The following ANKRD55 variants were observed in gnomAD, a reference collection of about 807,000 sequenced individuals.
The protein encoded by ANKRD55 is ankyrin repeat domain 55.
ANKRD55 carries 41 observed loss-of-function variants against 60.6 expected under a neutral mutation model. The ratio of observed to expected loss-of-function variants is 0.68; its 90% CI spans 0.53 to 0.88. The LOEUF is 0.88. Among genes scored for constraint, ANKRD55 ranks in the 40% least tolerant of loss-of-function variants. ANKRD55 has a pLI of 0.00. For missense variants in ANKRD55, 732 were observed against 767.6 expected (o/e 0.95, Z 0.55); for synonymous variants, 264 against 290.3 (o/e 0.91, Z 0.92).
At chr5:56,119,221 G>A (rs1426468751) in intron 8 of ANKRD55, among the ~76,000 whole-genome samples, 1 of 152,210 alleles carries the variant, frequency 6.6e-6, no homozygotes, top group East Asian at 1.9e-4. Flanking sequence ...TATTCCAGTA[G>A]TACTGGAATA....
intron 10 of ANKRD55, among the ~76,000 whole-genome samples, chr5:56,104,669 A>G (rs181837865): frequency 4.3e-4 from 65 of 152,340 alleles, no homozygotes; most frequent in African/African-American, 1.5e-3. Context: ...AATAATAATA[A>G]TAATGATAAT....
intron 7 of ANKRD55, among the ~76,000 whole-genome samples, chr5:56,141,105 A>G (rs1316432853): frequency 7.0e-6 from 1 of 142,326 alleles, no homozygotes; most frequent in Non-Finnish European, 1.5e-5. Context: ...GTGTGTGTGT[A>G]TGTGTGTACA....
At chr5:56,121,704 C>T (rs568470614) in intron 8 of ANKRD55, among the ~76,000 whole-genome samples, 1 of 152,252 alleles carries the variant, frequency 6.6e-6, no homozygotes, top group Non-Finnish European at 1.5e-5. Flanking sequence ...AGATTGTATG[C>T]TCCACGTGGG....
intron 2 of ANKRD55, among the ~76,000 whole-genome samples, chr5:56,197,174 A>G (rs569269512): frequency 3.9e-5 from 6 of 152,182 alleles, no homozygotes; most frequent in Non-Finnish European, 8.8e-5. Context: ...ACATAATATT[A>G]AATATAAAAT....
intron 11 of ANKRD55, among the ~76,000 whole-genome samples, chr5:56,101,538 GAAT>G (rs1756274542): frequency 6.6e-6 from 1 of 151,986 alleles, no homozygotes; most frequent in South Asian, 2.1e-4. Context: ...TCTACAATGG[GAAT>G]AATAATAAAA....
chr5:56,148,270 C>T (rs1757949128), intron 6 of ANKRD55, among the ~76,000 whole-genome samples: 1 of 152,182 alleles, frequency 6.6e-6, no homozygotes, highest in African/African-American at 2.4e-5. Context: ...GAGGGATAAA[C>T]TGAGCCTTCG....
intron 9 of ANKRD55, among the ~76,000 whole-genome samples, chr5:56,113,683 A>G (rs1756804956): frequency 6.6e-6 from 1 of 152,194 alleles, no homozygotes; most frequent in African/African-American, 2.4e-5. Context: ...AGTGATTACC[A>G]GAAGTGAGGG....
At position 56,119,064 on chromosome 5, in the gene ANKRD55, T is replaced by G. The variant is rs374957220; in HGVS notation, c.798-2282A>C. Among the ~76,000 whole-genome samples, 35 of 152,382 alleles carry G rather than the reference T, an allele frequency of 2.3e-4. No individual in the cohort carries two copies. The South Asian group carries it at 7.2e-3, about 32-fold the overall frequency. ...ACTTATAACCTACAAATCCCACTTT[T>G]AAGTATTTTGCTGGAGAAATAAAAA... On this transcript the variant is annotated intron_variant, in intron 8 of 11. Coordinates refer to ENST00000341048, the MANE Select transcript of ANKRD55 (RefSeq NM_024669.3).
intron 6 of ANKRD55, among the ~76,000 whole-genome samples, chr5:56,148,279 C>T (rs773809788): frequency 4.6e-5 from 7 of 152,094 alleles, no homozygotes; most frequent in Non-Finnish European, 7.3e-5. Context: ...ACTGAGCCTT[C>T]GAAGCATCTA....
intron 8 of ANKRD55, among the ~76,000 whole-genome samples, chr5:56,124,636 T>C (rs1757182636): frequency 6.6e-6 from 1 of 151,364 alleles, no homozygotes; most frequent in Non-Finnish European, 1.5e-5. Flanking sequence ...GCCTCCGGAG[T>C]AGCTAGGATT....
intron 7 of ANKRD55, among the ~76,000 whole-genome samples, chr5:56,135,333 T>G (rs1757557009): frequency 5.4e-5 from 1 of 18,392 alleles, no homozygotes; most frequent in African/African-American, 4.0e-4. Context: ...CTTTCTTTCT[T>G]TCTTTCTTTC....
intron 9 of ANKRD55, among the ~76,000 whole-genome samples, chr5:56,113,986 C>CTATATATATA (rs3055156): frequency 5.7e-4 from 79 of 139,140 alleles, no homozygotes; most frequent in Middle Eastern, 3.7e-3. Context: ...AATATGTATA[C>CTATATATATA]TATATATATA....
intron 9 of ANKRD55, among the ~76,000 whole-genome samples, chr5:56,114,048 G>A (rs1420539194): frequency 6.7e-6 from 1 of 149,846 alleles, no homozygotes; most frequent in Non-Finnish European, 1.5e-5. Context: ...AATAAAGTGG[G>A]CCAGGCGTGG....
intron 5 of ANKRD55, among the ~76,000 whole-genome samples, chr5:56,164,964 A>G (rs1481484414): frequency 1.3e-5 from 2 of 152,162 alleles, no homozygotes; most frequent in Non-Finnish European, 2.9e-5. Context: ...TGGTTTGTTC[A>G]GGAGTTGTTT....
intron 9 of ANKRD55, among the ~76,000 whole-genome samples, chr5:56,112,012 G>A (rs1246944167): frequency 1.3e-5 from 2 of 152,144 alleles, no homozygotes; most frequent in African/African-American, 4.8e-5. Context: ...CAAGGAGGAC[G>A]TTTCTTAGAT....
rs771029770 is a variant in ANKRD55 at position 56,102,534 on chromosome 5, A to G, written c.1683T>C (p.Pro561=). The part of the protein sequence containing the change: ...SPNRHKIRDL[P]FTRNNLAPLP... ...GGGGAGCTAGGTTGTTCCGAGTGAA[A>G]GGAAGATCCCTGATTTTGTGTCTGT... The change falls in exon 11 of 12, where the codon CCT becomes CCC. Residue 561 remains proline (P), a synonymous_variant. Coordinates refer to ENST00000341048, the MANE Select transcript of ANKRD55 (RefSeq NM_024669.3). The G allele has an allele frequency of 6.2e-7, 1 of 1,613,920 alleles. No homozygotes were observed. Among genetic ancestry groups the G allele is most frequent in the South Asian group, 1.1e-5 (1 of 91,080 alleles).
intron 7 of ANKRD55, among the ~76,000 whole-genome samples, chr5:56,135,793 A>G (rs1357888584): frequency 7.9e-5 from 12 of 152,224 alleles, no homozygotes; most frequent in Middle Eastern, 3.2e-3. Flanking sequence ...TCACATGACT[A>G]TCTATGTATA....
intron 7 of ANKRD55, among the ~76,000 whole-genome samples, chr5:56,127,924 C>A (rs1757318531): frequency 6.6e-6 from 1 of 152,022 alleles, no homozygotes; most frequent in Non-Finnish European, 1.5e-5. Flanking sequence ...TAACTTTGAC[C>A]CATTGTTTAT....
At position 56,149,337 on chromosome 5, in the gene ANKRD55, C is replaced by T. The variant is rs563774190; in HGVS notation, c.484-5408G>A. ...GACACTCTTTAAAAACTCTCACTTTCTCCCTGTAATAATTATAAGAATAAT... is the reference window on the plus strand; with the variant it reads ...GACACTCTTTAAAAACTCTCACTTTTTCCCTGTAATAATTATAAGAATAAT... On this transcript the variant is annotated intron_variant, in intron 6 of 11. Coordinates refer to ENST00000341048, the MANE Select transcript of ANKRD55 (RefSeq NM_024669.3). Among the ~76,000 whole-genome samples, 3 of 152,256 alleles carry T rather than the reference C, an allele frequency of 2.0e-5. No homozygotes were observed. In the East Asian group the frequency reaches 5.8e-4, roughly 29 times the overall value.
Sources: allele counts gnomAD v4.1 joint callset (sites outside exome capture counted in the v4.1 genomes callset), GRCh38; gene constraint gnomAD v4.1.1; transcripts MANE v1.5; gene names NCBI Gene and HGNC (gene_info 2026-07-23, HGNC 2026-07-21).